The following DLGAP2 variants were observed in gnomAD, a reference collection of about 807,000 sequenced individuals.
The protein encoded by DLGAP2 is DLG associated protein 2.
DLGAP2 carries 26 observed loss-of-function variants against 100.3 expected under a neutral mutation model. That is an observed-to-expected ratio of 0.26 (90% confidence interval 0.19 to 0.36). The LOEUF (loss-of-function observed/expected upper bound fraction) is 0.36. Among genes scored for constraint, DLGAP2 ranks in the 10% least tolerant of loss-of-function variants. The probability of loss-of-function intolerance (pLI) is 1.00; values close to 1 mark genes in which losing one functional copy is unlikely to be tolerated. For missense variants in DLGAP2, 1,858 were observed against 1,453.2 expected, an observed-to-expected ratio of 1.28 and a Z score of -4.53; for synonymous variants, 886 against 630.1, an observed-to-expected ratio of 1.41 and a Z score of -6.08.
intron 3 of DLGAP2, among the ~76,000 whole-genome samples, chr8:1,497,663 A>G (rs1021799713): frequency 1.3e-5 from 2 of 152,202 alleles, no homozygotes; most frequent in Non-Finnish European, 2.9e-5. Flanking sequence ...AAGGAAGAAC[A>G]TGGCTCTACC....
At position 875,847 on chromosome 8, in the gene DLGAP2, A is replaced by C. The variant is rs569729626; in HGVS notation, c.19-32065A>C. Among the ~76,000 whole-genome samples, 19 of 152,300 alleles carry C rather than the reference A, an allele frequency of 1.2e-4. No homozygotes were observed. The South Asian group carries it at 3.9e-3, about 32-fold the overall frequency. ...TTTCCCATATATGTTTTAGCTTATT[A>C]AAATCAGTTTCAGACTTATGCTGGC... is the stretch of plus-strand genomic sequence containing the variant. On this transcript the variant is annotated intron_variant, in intron 1 of 14. Transcript: ENST00000637795.
chr8:1,503,374 C>G (rs1799791136), intron 4 of DLGAP2, among the ~76,000 whole-genome samples: 1 of 151,538 alleles, frequency 6.6e-6, no homozygotes, highest in South Asian at 2.1e-4. Flanking sequence ...TGGAACCACA[C>G]AGGATTTGTT....
chr8:1,215,116 C>T (rs971808743), intron 2 of DLGAP2, among the ~76,000 whole-genome samples: 1 of 152,066 alleles, frequency 6.6e-6, no homozygotes, highest in African/African-American at 2.4e-5. Context: ...AACTTTGGGG[C>T]ACTAACAAAA....
At chr8:1,640,516 A>G (rs1413704405) in intron 8 of DLGAP2, among the ~76,000 whole-genome samples, 1 of 152,146 alleles carries the variant, frequency 6.6e-6, no homozygotes, top group Admixed American at 6.5e-5. Flanking sequence ...GATGTCTCTG[A>G]TTGTCATGAT....
chr8:1,178,649 A>G (rs947017791), intron 2 of DLGAP2, among the ~76,000 whole-genome samples: 7 of 152,142 alleles, frequency 4.6e-5, no homozygotes, highest in Non-Finnish European at 7.4e-5. Context: ...AATGCAGCTC[A>G]GCTCTCAAAC....
intron 2 of DLGAP2, among the ~76,000 whole-genome samples, chr8:1,220,417 G>T (rs1798293635): frequency 1.3e-5 from 2 of 152,152 alleles, no homozygotes. Flanking sequence ...ATGATTTTGA[G>T]CAATGTTCTT....
intron 12 of DLGAP2, 58 bp downstream of exon 12, chr8:1,678,687 T>C (rs1798871577): frequency 2.8e-6 from 4 of 1,425,768 alleles, no homozygotes; most frequent in Non-Finnish European, 3.7e-6. Context: ...AATGCAAATA[T>C]GCACATCACA....
At chr8:1,480,154 C>A (rs770876013) in intron 3 of DLGAP2, among the ~76,000 whole-genome samples, 1 of 152,204 alleles carries the variant, frequency 6.6e-6, no homozygotes, top group East Asian at 1.9e-4. Context: ...AGCCTTTAAC[C>A]ACCACTGTAC....
intron 1 of DLGAP2, among the ~76,000 whole-genome samples, chr8:897,648 C>G (rs572894172): frequency 6.6e-6 from 1 of 152,332 alleles, no homozygotes; most frequent in South Asian, 2.1e-4. Context: ...TCTGTTCCCT[C>G]TGCCGCCCCT....
chr8:980,262 A>G (rs932529095), intron 2 of DLGAP2, among the ~76,000 whole-genome samples: 1 of 152,150 alleles, frequency 6.6e-6, no homozygotes, highest in African/African-American at 2.4e-5. Context: ...TATCCATAGA[A>G]GGTGCAGGGC....
At chr8:1,585,237 C>A (rs1297349394) in intron 6 of DLGAP2, among the ~76,000 whole-genome samples, 2 of 152,020 alleles carry the variant, frequency 1.3e-5, no homozygotes, top group East Asian at 3.9e-4. Flanking sequence ...CGGAGGCGGG[C>A]AGATCACTTG....
chr8:1,197,820 G>A (rs1272779757), intron 2 of DLGAP2, among the ~76,000 whole-genome samples: 1 of 152,236 alleles, frequency 6.6e-6, no homozygotes, highest in Admixed American at 6.5e-5. Flanking sequence ...TGGGCCTCCT[G>A]CAGCGTTCCC....
intron 6 of DLGAP2, among the ~76,000 whole-genome samples, chr8:1,588,036 A>G (rs1218508083): frequency 6.6e-6 from 1 of 152,190 alleles, no homozygotes; most frequent in Admixed American, 6.5e-5. Context: ...CGTGACTCCT[A>G]ATAGAGTTCT....
intron 4 of DLGAP2, among the ~76,000 whole-genome samples, chr8:1,538,466 G>C (rs1443732207): frequency 1.3e-5 from 2 of 152,180 alleles, no homozygotes; most frequent in Non-Finnish European, 2.9e-5. Context: ...CTTCCTCTTA[G>C]ATCCCCGGGC....
intron 3 of DLGAP2, among the ~76,000 whole-genome samples, chr8:1,450,896 A>C (rs181102891): frequency 1.8e-4 from 27 of 152,310 alleles, no homozygotes; most frequent in African/African-American, 6.3e-4. Flanking sequence ...ACAGTCCTCT[A>C]TGAATTGCTT....
intron 2 of DLGAP2, among the ~76,000 whole-genome samples, chr8:1,239,950 GTGTCTAGTTCTCTCTCACACATAGCGTCT>G (rs1798747503): frequency 1.5e-5 from 2 of 133,714 alleles, no homozygotes; most frequent in South Asian, 2.6e-4. Flanking sequence ...ACATGTTGCC[GTGTCTAGTTCTCTCTCACACATAGCGTCT>G]TGTCTAGTTC....
Position 918,357 on chromosome 8 carries a change from G to A in DLGAP2, c.73+10391G>A, listed in dbSNP as rs140882622. Among the ~76,000 whole-genome samples, 10 of 152,332 alleles carry A rather than the reference G, an allele frequency of 6.6e-5. No homozygotes were observed. In the East Asian group the frequency reaches 1.5e-3, roughly 23 times the overall value. ...TTGGTAATTTGTTTTTAAGCCATTC[G>A]TAGAATTAGGGTTTACCAGTCGTCT... On this transcript the variant is annotated intron_variant, in intron 2 of 14. Transcript: ENST00000637795.
intron 3 of DLGAP2, among the ~76,000 whole-genome samples, chr8:1,355,182 C>A (rs1486641461): frequency 6.6e-6 from 1 of 152,242 alleles, no homozygotes; most frequent in Admixed American, 6.5e-5. Flanking sequence ...GGTGACACTG[C>A]ATGCCCGTGA....
intron 4 of DLGAP2, among the ~76,000 whole-genome samples, chr8:1,524,519 A>C (rs1302308235): frequency 6.6e-6 from 1 of 152,120 alleles, no homozygotes; most frequent in Non-Finnish European, 1.5e-5. Context: ...GTTCAAGACC[A>C]AGGTATGGCA....
Sources: allele counts gnomAD v4.1 joint callset (sites outside exome capture counted in the v4.1 genomes callset), GRCh38; gene constraint gnomAD v4.1.1; transcripts MANE v1.5; gene names NCBI Gene and HGNC (gene_info 2026-07-23, HGNC 2026-07-21).